ERCC6L2: variants seen among roughly 807,000 people sequenced by gnomAD.
The protein encoded by ERCC6L2 is ERCC excision repair 6 like 2, also known as DNA excision repair protein ERCC-6-like 2.
A neutral mutation model predicts 132.0 loss-of-function variants in ERCC6L2; 77 were observed. The observed-to-expected ratio is 0.58, with a 90% CI of 0.49 to 0.71. The LOEUF (loss-of-function observed/expected upper bound fraction) is 0.71. Ranked by LOEUF, ERCC6L2 falls within the 30% of genes least tolerant of loss-of-function variation. The probability of loss-of-function intolerance (pLI) is 0.00; values close to 1 mark genes in which losing one functional copy is unlikely to be tolerated. For missense variants in ERCC6L2, 1,542 were observed against 1,837.6 expected (o/e 0.84, Z 2.94); for synonymous variants, 583 against 632.4 (o/e 0.92, Z 1.17).
intron 3 of ERCC6L2, 40 bp from the exon 4 acceptor site, chr9:95,907,038 G>GT: frequency 6.7e-7 from 1 of 1,491,256 alleles, no homozygotes; most frequent in South Asian, 1.2e-5. Context: ...TTCTTTTTCA[G>GT]TTTTTAAAAA....
Position 95,923,270 on chromosome 9 carries a change from T to A in ERCC6L2, c.1424T>A (p.Ile475Asn). Reference sequence around the variant, plus strand: ...CCTTTTCCCTTCAAGGAAACACTTATCAAAAGGATATGTGATCAGGTATTT... The same window carrying A: ...CCTTTTCCCTTCAAGGAAACACTTAACAAAAGGATATGTGATCAGGTATTT... ...ASTSKQQETLIKRICDQVFSR... is the reference protein window; with the variant it reads ...ASTSKQQETLNKRICDQVFSR... The change falls in exon 9 of 19, where the codon ATC (isoleucine) becomes AAC (asparagine). Residue 475 changes from isoleucine (I) to asparagine (N), a missense_variant. Around this residue, in one of 4 missense-constraint regions of ERCC6L2, gnomAD observed 945 missense variants for 1,105.2 expected, o/e 0.86. Transcript: ENST00000653738. 2 of 1,612,872 alleles carry A rather than the reference T, an allele frequency of 1.2e-6. No homozygotes were observed. The highest frequency in any genetic ancestry group is 1.7e-6 in the Non-Finnish European group (2 of 1,179,658).
chr9:95,890,541 C>A (rs77614524), intron 2 of ERCC6L2, among the ~76,000 whole-genome samples: 1 of 152,154 alleles, frequency 6.6e-6, no homozygotes, highest in African/African-American at 2.4e-5. Context: ...TTAAACCATC[C>A]TATTTTTCAT....
chr9:96,017,276 A>G lies in ERCC6L2; in HGVS notation c.*4073A>G, dbSNP rs752772877. 1.3e-5 allele frequency among the ~76,000 whole-genome samples: 2 copies of G among 152,174 alleles called. No homozygotes were observed. Among genetic ancestry groups the G allele is most frequent in the Non-Finnish European group, 2.9e-5 (2 of 68,028 alleles). On this transcript the variant is annotated 3_prime_UTR_variant, in exon 19 of 19. Transcript: ENST00000653738. ...CACTTGGTATTTGTTGCAGGAGGGA[A>G]GAACATCTCACTTTTGCTTGGCTAA...
chr9:96,019,893 A>G (rs931141484), downstream of ERCC6L2: 7 of 152,208 alleles, frequency 4.6e-5, no homozygotes, highest in Non-Finnish European at 1.0e-4. Context: ...CCTTTATAAA[A>G]GCATCAGATC....
At chr9:95,962,650 T>C (rs1831962779) in intron 13 of ERCC6L2, among the ~76,000 whole-genome samples, 1 of 152,178 alleles carries the variant, frequency 6.6e-6, no homozygotes, top group Non-Finnish European at 1.5e-5. Context: ...TAAAGCTATT[T>C]CTGTGTGACA....
rs1204819034 is a variant in ERCC6L2 at position 96,014,387 on chromosome 9, C to T, written c.*1184C>T. ...CTTCCGTGTACTCAGGATGTAGAGT[C>T]ATTGCTCAGAAGTGAACAAAAAATC... On this transcript the variant is annotated 3_prime_UTR_variant, in exon 19 of 19. Coordinates refer to ENST00000653738, the MANE Select transcript of ERCC6L2 (RefSeq NM_020207.7). The T allele has an allele frequency of 1.3e-5, 2 of 152,192 alleles. 1 individual carries two copies. Among genetic ancestry groups the T allele is most frequent in the Non-Finnish European group, 2.9e-5 (2 of 68,036 alleles). 9.4% of individuals were successfully genotyped at this position (152,192 alleles called of 1,614,324 possible).
rs536575211 is a variant in ERCC6L2 at position 95,972,399 on chromosome 9, T to A, written c.2648T>A (p.Ile883Asn). 2.9e-5 allele frequency: 37 copies of A among 1,273,220 alleles called. No individual in the cohort carries two copies. In the African/African-American group the frequency reaches 5.6e-4, roughly 19 times the overall value. The allele number at this position is 1,273,220 out of a possible 1,614,324, so 78.9% of individuals were successfully genotyped here. A position where few individuals can be genotyped will look rare whatever the true frequency, so the allele number is the denominator to read the frequency against. The change falls in exon 16 of 19, where the codon ATT becomes AAT. Residue 883 changes from isoleucine to asparagine, a missense_variant. Transcript: ENST00000653738. ...NISSKSDEKK[I>N]KNTDKHCILQ... ...TCTTCCAAGTCTGACGAGAAAAAAA[T>A]TAAAAATACAGATAAACATTGCATT...
intron 12 of ERCC6L2, among the ~76,000 whole-genome samples, chr9:95,953,241 C>T (rs1158950368): frequency 6.6e-6 from 1 of 151,946 alleles, no homozygotes; most frequent in African/African-American, 2.4e-5. Flanking sequence ...GTATATTTTG[C>T]CACAATAAGA....
chr9:96,030,367 T>G (rs967340858), intron 19 of ERCC6L2, among the ~76,000 whole-genome samples: 5 of 152,128 alleles, frequency 3.3e-5, no homozygotes, highest in African/African-American at 1.2e-4. Flanking sequence ...TCTTTCACTC[T>G]TCACAATAAA....
At chr9:95,931,071 A>G (rs1163009258) in intron 11 of ERCC6L2, among the ~76,000 whole-genome samples, 1 of 152,110 alleles carries the variant, frequency 6.6e-6, no homozygotes, top group Non-Finnish European at 1.5e-5. Flanking sequence ...TGCTAAGATA[A>G]TTTTTCTTAA....
At chr9:95,969,831 T>A (rs914881968) in intron 14 of ERCC6L2, among the ~76,000 whole-genome samples, 3 of 152,190 alleles carry the variant, frequency 2.0e-5, no homozygotes, top group Non-Finnish European at 4.4e-5. Flanking sequence ...AGTGTGTCTG[T>A]ATTCTTAAGT....
Position 95,921,183 on chromosome 9 carries a change from T to C in ERCC6L2, c.1167T>C (p.Tyr389=), listed in dbSNP as rs1255453226. Residue 389 remains tyrosine (Y), a synonymous_variant, in exon 7 of 19, where the codon TAT becomes TAC. Coordinates refer to ENST00000653738, the MANE Select transcript of ERCC6L2 (RefSeq NM_020207.7). ...GTATTTTATCTTGGCAGATGGTGTATTGTTCTTTGACAGATTTCCAGAAAG... is the reference window on the plus strand; with the variant it reads ...GTATTTTATCTTGGCAGATGGTGTACTGTTCTTTGACAGATTTCCAGAAAG... ...QLPKKEDRMV[Y]CSLTDFQKAV... The C allele has an allele frequency of 6.2e-7, 1 of 1,610,200 alleles. No homozygotes were observed. Among genetic ancestry groups the C allele is most frequent in the Non-Finnish European group, 8.5e-7 (1 of 1,178,476 alleles).
chr9:95,931,666 A>T (rs1406357433), intron 11 of ERCC6L2, among the ~76,000 whole-genome samples: 1 of 152,148 alleles, frequency 6.6e-6, no homozygotes, highest in Admixed American at 6.5e-5. Flanking sequence ...TTTCTGATAG[A>T]TGGTGTGGCT....
At chr9:95,970,735 T>A (rs2065659297) in intron 15 of ERCC6L2, 79 bp downstream of exon 15, 1 of 1,054,988 alleles carries the variant, frequency 9.5e-7, no homozygotes, top group Non-Finnish European at 1.2e-6. Context: ...TCCTTTTTCC[T>A]TAATTTTATA....
chr9:95,983,729 T>G (rs115682143), intron 17 of ERCC6L2, among the ~76,000 whole-genome samples: 2,169 of 152,292 alleles, frequency 0.014, 47 homozygotes, highest in African/African-American at 0.049. Flanking sequence ...AAATTACAGA[T>G]TAAAGGAATT....
At chr9:95,941,815 G>C (rs1402596826) in intron 12 of ERCC6L2, among the ~76,000 whole-genome samples, 2 of 152,184 alleles carry the variant, frequency 1.3e-5, no homozygotes, top group Non-Finnish European at 2.9e-5. Context: ...AAATAGGATA[G>C]TTCTGTACTA....
At chr9:95,971,884 C>A in intron 15 of ERCC6L2, 49 bp from the exon 16 acceptor site, 1 of 1,185,498 alleles carries the variant, frequency 8.4e-7, no homozygotes, top group Non-Finnish European at 1.1e-6. Flanking sequence ...GTTGATTCCA[C>A]ATTATATCTT....
chr9:95,938,533 T>G (rs1457574777), intron 11 of ERCC6L2, among the ~76,000 whole-genome samples: 1 of 152,164 alleles, frequency 6.6e-6, no homozygotes, highest in Non-Finnish European at 1.5e-5. Context: ...TTGGTGCTGT[T>G]TGGTGTTTTG....
At chr9:95,936,040 G>A (rs369802313) in intron 11 of ERCC6L2, among the ~76,000 whole-genome samples, 4 of 152,126 alleles carry the variant, frequency 2.6e-5, no homozygotes, top group East Asian at 1.9e-4. Flanking sequence ...GACCAAAGAA[G>A]TAATACATGC....
Sources: allele counts gnomAD v4.1 joint callset (sites outside exome capture counted in the v4.1 genomes callset), GRCh38; gene constraint gnomAD v4.1.1; regional missense constraint gnomAD v4.1.1; transcripts MANE v1.5; gene names NCBI Gene and HGNC (gene_info 2026-07-23, HGNC 2026-07-21).